The following FTO variants were observed in gnomAD, a reference collection of about 807,000 sequenced individuals.
The protein encoded by FTO is FTO alpha-ketoglutarate dependent dioxygenase.
Under a neutral mutation model 63.9 loss-of-function variants are expected in FTO, and 47 were observed. The ratio of observed to expected loss-of-function variants is 0.74; its 90% CI spans 0.58 to 0.94. The LOEUF (loss-of-function observed/expected upper bound fraction) is 0.94. Ranked by LOEUF, FTO falls within the 40% of genes least tolerant of loss-of-function variation. FTO has a pLI of 0.00. For missense variants in FTO, 562 were observed against 618.1 expected, an observed-to-expected ratio of 0.91 and a Z score of 0.96; for synonymous variants, 207 against 224.4, an observed-to-expected ratio of 0.92 and a Z score of 0.69.
At chr16:53,736,907 C>T (rs1406723011) in intron 1 of FTO, among the ~76,000 whole-genome samples, 3 of 152,156 alleles carry the variant, frequency 2.0e-5, no homozygotes, top group Non-Finnish European at 4.4e-5. Flanking sequence ...CATTCCCCTC[C>T]CCCAGATTTA....
chr16:53,815,712 G>A (rs939176122), intron 2 of FTO, among the ~76,000 whole-genome samples: 23 of 143,420 alleles, frequency 1.6e-4, no homozygotes, highest in Admixed American at 1.1e-3. Context: ...GTAGTGGTGC[G>A]GTCTTGGCTC....
At chr16:53,731,405 T>C (rs1488448099) in intron 1 of FTO, among the ~76,000 whole-genome samples, 1 of 152,180 alleles carries the variant, frequency 6.6e-6, no homozygotes, top group Admixed American at 6.5e-5. Flanking sequence ...ATATTAATAC[T>C]TCCAAATTTG....
intron 1 of FTO, among the ~76,000 whole-genome samples, chr16:53,730,252 C>T (rs1403346746): frequency 6.6e-6 from 1 of 152,102 alleles, no homozygotes; most frequent in African/African-American, 2.4e-5. Context: ...TATATACTAA[C>T]TTCCCAAGAA....
chr16:53,718,665 C>G (rs1390484894), intron 1 of FTO, among the ~76,000 whole-genome samples: 1 of 151,884 alleles, frequency 6.6e-6, no homozygotes, highest in Non-Finnish European at 1.5e-5. Flanking sequence ...TTGTTTTTTT[C>G]AGGGACTGAG....
At position 53,844,182 on chromosome 16, in the gene FTO, C is replaced by A. The variant is rs76762929; in HGVS notation, c.779C>A (p.Ser260Tyr). The A allele has an allele frequency of 2.5e-6, 4 of 1,613,680 alleles. No individual in the cohort carries two copies. The African/African-American group carries it at 5.3e-5, about 22-fold the overall frequency. Residue 260 changes from serine (S) to tyrosine (Y), a missense_variant, in exon 4 of 9, where the codon TCT becomes TAT. Ser to Tyr is a moderately radical substitution (Grantham distance 144, BLOSUM62 -2). Coordinates refer to ENST00000471389, the MANE Select transcript of FTO (RefSeq NM_001080432.3). ...CCTGAAGAGGAAAGTGAGGATGACT[C>A]TCATCTCGAAGGCAGGGATCCTGAT... ...EGPEEESEDDSHLEGRDPDIW... is the reference protein window; with the variant it reads ...EGPEEESEDDYHLEGRDPDIW...
Position 53,806,220 on chromosome 16 carries a change from T to C in FTO, c.46-3920T>C, listed in dbSNP as rs145974839. Among the ~76,000 whole-genome samples the C allele has an allele frequency of 2.6e-5, 4 of 152,352 alleles. No individual in the cohort carries two copies. The East Asian group carries it at 7.7e-4, about 29-fold the overall frequency. On this transcript the variant is annotated intron_variant, in intron 1 of 8. Coordinates refer to ENST00000471389, the MANE Select transcript of FTO (RefSeq NM_001080432.3). ...TGTACATGGACAAAAGAAGGCACTT[T>C]CTAAAACAATGCCAAAAATCATGTT...
At chr16:53,925,616 C>T (rs898438392) in intron 7 of FTO, among the ~76,000 whole-genome samples, 13 of 151,988 alleles carry the variant, frequency 8.6e-5, no homozygotes, top group Admixed American at 3.3e-4. Flanking sequence ...TATCAGAAGC[C>T]GTTGCATCAT....
intron 1 of FTO, among the ~76,000 whole-genome samples, chr16:53,798,068 A>G (rs2078122386): frequency 6.6e-6 from 1 of 152,124 alleles, no homozygotes; most frequent in African/African-American, 2.4e-5. Context: ...ACTATTTGTT[A>G]GGACTCTTCT....
chr16:53,898,466 A>G (rs1397655656), intron 7 of FTO, among the ~76,000 whole-genome samples: 2 of 152,098 alleles, frequency 1.3e-5, no homozygotes, highest in Admixed American at 6.6e-5. Flanking sequence ...ACCAACTGCA[A>G]TTATCCTATA....
At chr16:53,796,381 G>T (rs996570002) in intron 1 of FTO, among the ~76,000 whole-genome samples, 1 of 152,132 alleles carries the variant, frequency 6.6e-6, no homozygotes, top group Non-Finnish European at 1.5e-5. Flanking sequence ...ACAAAGGTGG[G>T]CATAGAGATT....
At chr16:53,917,592 A>G (rs2081902223) in intron 7 of FTO, among the ~76,000 whole-genome samples, 1 of 151,550 alleles carries the variant, frequency 6.6e-6, no homozygotes, top group Admixed American at 6.6e-5. Context: ...TGTTTTAGGT[A>G]GTCATTGTGA....
intron 7 of FTO, among the ~76,000 whole-genome samples, chr16:53,906,053 A>T (rs1029792468): frequency 2.0e-5 from 3 of 152,222 alleles, no homozygotes; most frequent in African/African-American, 7.2e-5. Context: ...CTCTGTCAAC[A>T]TTAGCATCTA....
chr16:53,746,541 G>A (rs2076655276), intron 1 of FTO, among the ~76,000 whole-genome samples: 1 of 152,176 alleles, frequency 6.6e-6, no homozygotes, highest in Non-Finnish European at 1.5e-5. Context: ...CAGCTTTAGA[G>A]AATGTAGTTT....
intron 1 of FTO, among the ~76,000 whole-genome samples, chr16:53,774,294 A>T (rs1380290375): frequency 6.6e-6 from 1 of 152,184 alleles, no homozygotes; most frequent in Non-Finnish European, 1.5e-5. Context: ...GGTAAAAGTG[A>T]AACAATAACT....
intron 1 of FTO, among the ~76,000 whole-genome samples, chr16:53,779,356 G>T (rs1441005980): frequency 1.3e-5 from 2 of 152,076 alleles, no homozygotes; most frequent in African/African-American, 2.4e-5. Context: ...GTGCCTTACG[G>T]TGAAGAGGAG....
intron 7 of FTO, among the ~76,000 whole-genome samples, chr16:53,921,633 G>C (rs1019009160): frequency 3.3e-5 from 5 of 152,130 alleles, no homozygotes; most frequent in Non-Finnish European, 7.4e-5. Flanking sequence ...ATAAGGCAAG[G>C]CACCGTGGAA....
In FTO at chr16:54,120,245, G is replaced by A. The variant is rs2086996530; in HGVS notation, c.*8330G>A. On this transcript the variant is annotated 3_prime_UTR_variant, in exon 9 of 9. Transcript: ENST00000471389. ...CTGGGACATAGCTTGGGGAGCTGAA[G>A]GTACCTTGGAAGGGCCAGATGAGGA... 1 of 152,266 alleles carries A rather than the reference G, an allele frequency of 6.6e-6. No individual in the cohort carries two copies. The highest frequency in any genetic ancestry group is 6.5e-5 in the Admixed American group (1 of 15,276). The allele number at this position is 152,266 out of a possible 1,614,324, so 9.4% of individuals were successfully genotyped here.
At chr16:53,965,386 A>G (rs1406740536) in intron 8 of FTO, among the ~76,000 whole-genome samples, 6 of 152,134 alleles carry the variant, frequency 3.9e-5, no homozygotes, top group African/African-American at 1.4e-4. Flanking sequence ...TTAGCTCCAT[A>G]TAGTAGGGAT....
intron 8 of FTO, chr16:54,072,063 G>C (rs1396995322): frequency 2.0e-5 from 3 of 152,156 alleles, no homozygotes; most frequent in Non-Finnish European, 4.4e-5. Context: ...GTGGCCGTGC[G>C]ATTGACAAGG....
Sources: allele counts gnomAD v4.1 joint callset (sites outside exome capture counted in the v4.1 genomes callset), GRCh38; gene constraint gnomAD v4.1.1; transcripts MANE v1.5; gene names NCBI Gene and HGNC (gene_info 2026-07-23, HGNC 2026-07-21).